Variants in COBL observed in about 807,000 individuals in gnomAD.
COBL encodes the protein cordon-bleu WH2 repeat protein, also known as protein cordon-bleu.
A neutral mutation model predicts 98.8 loss-of-function variants in COBL; 51 were observed. The observed-to-expected ratio is 0.52, with a 90% CI of 0.41 to 0.65. The LOEUF (loss-of-function observed/expected upper bound fraction) is 0.65, where lower values mean the gene tolerates loss of function less well. Ranked by LOEUF, COBL falls within the 30% of genes least tolerant of loss-of-function variation. COBL has a pLI of 0.00. For synonymous variants in COBL, 634 were observed against 651.7 expected (o/e 0.97, Z 0.41); for missense variants, 1,617 against 1,617.5 (o/e 1.00, Z 0.01).
At chr7:51,273,992 C>T (rs988665715) in intron 1 of COBL, among the ~76,000 whole-genome samples, 1 of 152,174 alleles carries the variant, frequency 6.6e-6, no homozygotes, top group Non-Finnish European at 1.5e-5. Flanking sequence ...CTTCAGTCAT[C>T]TGTTCTGGGC....
chr7:51,166,351 T>C (rs968716650), intron 5 of COBL, among the ~76,000 whole-genome samples: 4 of 152,006 alleles, frequency 2.6e-5, no homozygotes, highest in Non-Finnish European at 4.4e-5. Flanking sequence ...TTGAAAAATC[T>C]AGAAGAAAAG....
At chr7:51,303,426 C>A (rs776668718) in intron 1 of COBL, among the ~76,000 whole-genome samples, 2 of 152,124 alleles carry the variant, frequency 1.3e-5, no homozygotes, top group Non-Finnish European at 2.9e-5. Flanking sequence ...TCTGTGCGCA[C>A]CTGACTTGAC....
At chr7:51,248,993 C>A in intron 1 of COBL, among the ~76,000 whole-genome samples, 1 of 152,188 alleles carries the variant, frequency 6.6e-6, no homozygotes, top group East Asian at 1.9e-4. Flanking sequence ...TGAGATAAAC[C>A]AGGTTAAGAC....
In COBL at chr7:51,028,011, T is replaced by A. The variant is rs781139732; in HGVS notation, c.3085A>T (p.Thr1029Ser). The A allele has an allele frequency of 6.2e-7, 1 of 1,603,208 alleles. No individual in the cohort carries two copies. Residue 1029 changes from threonine to serine, a missense_variant, in exon 10 of 13, where the codon ACT becomes TCT. Physicochemically the swap from Thr to Ser is moderately conservative, Grantham distance 58 (BLOSUM62 1). Transcript: ENST00000265136. ...ACCAGCTCCCTGCTGCAGGCCTGAG[T>A]GTCAGATGTGTGTGGAGGGGGTGGG... Reference protein sequence around the residue: ...TDPPPPHTSDTQACSRELVNG... With the variant: ...TDPPPPHTSDSQACSRELVNG...
At chr7:51,275,318 C>A (rs1013468142) in intron 1 of COBL, among the ~76,000 whole-genome samples, 1 of 152,216 alleles carries the variant, frequency 6.6e-6, no homozygotes, top group African/African-American at 2.4e-5. Context: ...CACAAGTCCC[C>A]TCCATCCTCC....
chr7:51,247,307 A>G (rs1288880002), intron 1 of COBL, among the ~76,000 whole-genome samples: 2 of 152,044 alleles, frequency 1.3e-5, no homozygotes, highest in Non-Finnish European at 2.9e-5. Flanking sequence ...CTGTCTCTTC[A>G]TGTTACCCAC....
chr7:51,206,491 C>CAAAAAAAA (rs1216887855), intron 2 of COBL, among the ~76,000 whole-genome samples: 9,804 of 99,794 alleles, frequency 0.098, 389 homozygotes, highest in African/African-American at 0.18. Flanking sequence ...GACTCTGTCT[C>CAAAAAAAA]AAAAAAAAAA....
At chr7:51,272,946 TACCAACAACAACAAC>T (rs1337137899) in intron 1 of COBL, among the ~76,000 whole-genome samples, 3 of 148,476 alleles carry the variant, frequency 2.0e-5, no homozygotes, top group African/African-American at 7.7e-5. Flanking sequence ...TGGAACACAA[TACCAACAACAACAAC>T]AACAACAACA....
chr7:51,242,658 T>C (rs1352873595), intron 1 of COBL, among the ~76,000 whole-genome samples: 1 of 152,082 alleles, frequency 6.6e-6, no homozygotes, highest in East Asian at 1.9e-4. Flanking sequence ...TGTTATGATC[T>C]TCAGGTTCAT....
chr7:51,316,673 C>T lies in COBL; in HGVS notation c.-40G>A, dbSNP rs984458117. The T allele has an allele frequency of 1.2e-5, 14 of 1,186,892 alleles. No homozygotes were observed. In the African/African-American group the frequency reaches 2.1e-4, roughly 18 times the overall value. The allele number at this position is 1,186,892 out of a possible 1,614,324, so 73.5% of individuals were successfully genotyped here. ...GGACGCGGGCGGTGCTCCGGGCCCG[C>T]CGAGTCAGGCGCTGGCTACCGCCGC... On this transcript the variant is annotated 5_prime_UTR_variant, in exon 1 of 13. Transcript: ENST00000265136.
In COBL at chr7:51,025,180, T is replaced by G; in HGVS notation, c.3697A>C (p.Asn1233His). The G allele has an allele frequency of 6.5e-7, 1 of 1,545,762 alleles. No individual in the cohort carries two copies. The highest frequency in any genetic ancestry group is 8.8e-7 in the Non-Finnish European group (1 of 1,140,330). ...AAGGCTTGCCTTGCGTCTGCGGTGT[T>G]GCTGAGGGTGCCCGTGCTGAACCTG... ...ASRFSTGTLS[N>H]TADARQALMD... is the part of the protein sequence containing the mutation. The change falls in exon 12 of 13, where the codon AAC becomes CAC. Residue 1233 changes from asparagine to histidine, a missense_variant. By Grantham distance (68) the Asn-to-His change is moderately conservative. Coordinates refer to ENST00000265136, the MANE Select transcript of COBL (RefSeq NM_015198.5).
At chr7:51,122,423 T>C (rs1273851070) in intron 6 of COBL, among the ~76,000 whole-genome samples, 2 of 152,208 alleles carry the variant, frequency 1.3e-5, no homozygotes, top group African/African-American at 4.8e-5. Context: ...TGTCCTCATC[T>C]TCACCATCTC....
At chr7:51,215,997 G>A (rs572523807) in intron 2 of COBL, among the ~76,000 whole-genome samples, 3 of 152,188 alleles carry the variant, frequency 2.0e-5, no homozygotes, top group South Asian at 4.1e-4. Flanking sequence ...GCAATGGCCT[G>A]TAAAGGCAGA....
At chr7:51,067,567 T>G (rs796456448) in intron 7 of COBL, among the ~76,000 whole-genome samples, 14 of 152,228 alleles carry the variant, frequency 9.2e-5, no homozygotes, top group African/African-American at 3.1e-4. Flanking sequence ...TACACACACA[T>G]CCCTTTTTAG....
intron 1 of COBL, among the ~76,000 whole-genome samples, chr7:51,254,657 A>G (rs1013785622): frequency 2.0e-5 from 3 of 152,070 alleles, no homozygotes; most frequent in African/African-American, 7.2e-5. Flanking sequence ...ATGGTTGACT[A>G]CCTAGAATTC....
At chr7:51,185,836 C>T (rs1249440502) in intron 4 of COBL, among the ~76,000 whole-genome samples, 4 of 152,248 alleles carry the variant, frequency 2.6e-5, no homozygotes, top group Admixed American at 2.6e-4. Context: ...ATTAATAACA[C>T]AGGCGTGAAC....
intron 1 of COBL, among the ~76,000 whole-genome samples, chr7:51,309,631 G>A (rs533936811): frequency 2.6e-5 from 4 of 152,250 alleles, no homozygotes; most frequent in Admixed American, 2.6e-4. Context: ...TTTTTTGAAA[G>A]AGGACTCTAG....
rs778006426 is a variant in COBL, at chr7:51,028,973, T to C, written c.2123A>G (p.Tyr708Cys). ...SYRLKHGLTTYKIIPPKSEMR... is the reference protein window; with the variant it reads ...SYRLKHGLTTCKIIPPKSEMR... ...CTCTGACTTTGGAGGAATGATTTTA[T>C]ACGTTGTGAGGCCGTGCTTAAGTCT... The change falls in exon 10 of 13, where the codon TAT becomes TGT. Residue 708 changes from tyrosine (Y) to cysteine (C), a missense_variant. Physicochemically the swap from Tyr to Cys is radical, Grantham distance 194 (BLOSUM62 -2). This residue lies in a region of COBL where 1,304 missense variants were observed against 1,282.0 expected (regional missense o/e 1.02). Coordinates refer to ENST00000265136, the MANE Select transcript of COBL (RefSeq NM_015198.5). 1 of 1,614,202 alleles carries C rather than the reference T, an allele frequency of 6.2e-7. No homozygotes were observed. Among genetic ancestry groups the C allele is most frequent in the Non-Finnish European group, 8.5e-7 (1 of 1,180,036 alleles).
At chr7:51,256,683 C>T (rs1190040545) in intron 1 of COBL, among the ~76,000 whole-genome samples, 1 of 152,232 alleles carries the variant, frequency 6.6e-6, no homozygotes, top group Admixed American at 6.5e-5. Flanking sequence ...GCAAGTGTTA[C>T]TACCACCACC....
Sources: gnomAD v4.1 joint callset for allele counts (sites outside exome capture counted in the v4.1 genomes callset) on GRCh38, gnomAD v4.1.1 for gene constraint, gnomAD v4.1.1 regional missense constraint, MANE v1.5 for transcripts, NCBI Gene and HGNC (gene_info 2026-07-23, HGNC 2026-07-21) for gene names.